The following GRAMD1B variants were observed in gnomAD, a reference collection of about 807,000 sequenced individuals.
GRAMD1B encodes protein Aster-B.
In GRAMD1B, 37 loss-of-function variants were observed where a neutral mutation model predicts 99.7. The observed-to-expected ratio is 0.37, with a 90% CI of 0.29 to 0.49. The LOEUF is 0.49. GRAMD1B is among the 20% of genes least tolerant of loss of function. The pLI, the probability that GRAMD1B is intolerant of heterozygous loss-of-function variation, is 0.98. For synonymous variants in GRAMD1B, 427 were observed against 387.6 expected, an observed-to-expected ratio of 1.10 and a Z score of -1.19; for missense variants, 888 against 1,009.2, an observed-to-expected ratio of 0.88 and a Z score of 1.63.
intron 1 of GRAMD1B, among the ~76,000 whole-genome samples, chr11:123,403,429 A>G (rs898301529): frequency 2.1e-5 from 3 of 140,294 alleles, no homozygotes; most frequent in African/African-American, 5.6e-5. Flanking sequence ...CTCAGTCTCA[A>G]AATAATGATG....
Position 123,396,837 on chromosome 11 carries a change from A to G in GRAMD1B, c.-176+38038A>G, listed in dbSNP as rs78073495. On this transcript the variant is annotated intron_variant, in intron 1 of 20. Coordinates refer to the GRAMD1B transcript ENST00000638157. The stretch of plus-strand genomic sequence containing the variant: ...GGGAAAAACAGAAACTTTGCTAATT[A>G]TCTGTCATTATGGGGATAATGATAG... Among the ~76,000 whole-genome samples the G allele has an allele frequency of 2.1e-3, 319 of 152,336 alleles. 4 individuals carry two copies. The highest frequency in any genetic ancestry group is 7.6e-3 in the African/African-American group (315 of 41,582).
chr11:123,595,812 G>A, intron 6 of GRAMD1B, 130 bp from the exon 7 acceptor site: 2 of 573,482 alleles, frequency 3.5e-6, no homozygotes, highest in Non-Finnish European at 6.3e-6. Flanking sequence ...CACCAATGCG[G>A]CCTCTTCCAG....
At chr11:123,394,200 G>A (rs1198911293) in intron 1 of GRAMD1B, among the ~76,000 whole-genome samples, 1 of 152,126 alleles carries the variant, frequency 6.6e-6, no homozygotes, top group African/African-American at 2.4e-5. Context: ...AGGACATATG[G>A]TCATTCTTTT....
chr11:123,493,122 G>A (rs1938789208), intron 2 of GRAMD1B, among the ~76,000 whole-genome samples: 1 of 152,172 alleles, frequency 6.6e-6, no homozygotes, highest in African/African-American at 2.4e-5. Flanking sequence ...ATTCAGTAAT[G>A]GCTGCGGGGA....
chr11:123,539,084 G>A (rs1456587747), intron 2 of GRAMD1B, among the ~76,000 whole-genome samples: 1 of 152,052 alleles, frequency 6.6e-6, no homozygotes, highest in East Asian at 1.9e-4. Flanking sequence ...TCAGAGCTAG[G>A]CTTGGTGGCT....
rs746220101 is a variant in GRAMD1B, at chr11:123,610,364, G to T, written c.1919+26G>T. On this transcript the variant is annotated intron_variant, in intron 14 of 19. Transcript: ENST00000635736. This position sits in a 1 kb window ranked among gnomAD's most constrained non-coding sequence, Gnocchi z 4.1. Reference sequence around the variant, plus strand: ...GTGTGGTGTGTGGAAGTCCCAGTGCGGTCAGACGGGGGTCCTTACCTTAGA... The same window carrying T: ...GTGTGGTGTGTGGAAGTCCCAGTGCTGTCAGACGGGGGTCCTTACCTTAGA... 1.2e-6 allele frequency: 2 copies of T among 1,611,402 alleles called. No individual in the cohort carries two copies. Among genetic ancestry groups the T allele is most frequent in the South Asian group, 1.1e-5 (1 of 91,018 alleles).
chr11:123,457,132 A>AGAAAGAAAGAAAGAAAGAAAGAAAGAAG (rs1565514323), intron 1 of GRAMD1B, among the ~76,000 whole-genome samples: 1 of 150,692 alleles, frequency 6.6e-6, no homozygotes, highest in Non-Finnish European at 1.5e-5. Context: ...AAAGAAAGAA[A>AGAAAGAAAGAAAGAAAGAAAGAAAGAAG]GAAAGAATTA....
intron 1 of GRAMD1B, among the ~76,000 whole-genome samples, chr11:123,415,553 A>G (rs954502450): frequency 1.3e-5 from 2 of 150,330 alleles, no homozygotes; most frequent in Admixed American, 6.6e-5. Flanking sequence ...GGCCTTCAGG[A>G]CGCCTTAGGT....
At chr11:123,360,488 A>G (rs1047394244) in intron 1 of GRAMD1B, among the ~76,000 whole-genome samples, 3 of 152,318 alleles carry the variant, frequency 2.0e-5, no homozygotes, top group African/African-American at 7.2e-5. Context: ...CTGGTGTTCA[A>G]GAGATCCAGG....
intron 1 of GRAMD1B, among the ~76,000 whole-genome samples, chr11:123,398,251 A>C (rs1433729939): frequency 6.6e-6 from 1 of 152,230 alleles, no homozygotes; most frequent in Non-Finnish European, 1.5e-5. Flanking sequence ...TATTTCTTAC[A>C]GTTCTGGAGG....
At chr11:123,412,219 A>T (rs570995374) in intron 1 of GRAMD1B, among the ~76,000 whole-genome samples, 120 of 152,316 alleles carry the variant, frequency 7.9e-4, no homozygotes, top group Non-Finnish European at 1.5e-3. Context: ...CAATTTCCTT[A>T]GTCATTTTGT....
intron 17 of GRAMD1B, among the ~76,000 whole-genome samples, chr11:123,616,676 G>C (rs1565473212): frequency 6.6e-6 from 1 of 152,264 alleles, no homozygotes; most frequent in Non-Finnish European, 1.5e-5. Flanking sequence ...AGCTTGCCCT[G>C]TGTCTGGCAG....
intron 19 of GRAMD1B, among the ~76,000 whole-genome samples, chr11:123,621,893 TTTC>T (rs1482948652): frequency 1.8e-5 from 1 of 57,082 alleles, no homozygotes; most frequent in Non-Finnish European, 3.9e-5. Flanking sequence ...TCTTTCTTTC[TTTC>T]TTTTTCTCTT....
rs574930298 is a variant in GRAMD1B, at chr11:123,567,794, A to G, written c.453-9573A>G. ...CTCCTTGCCTGAGCAGGAAAGGCAAACAACCTTTGCCCAGGTCCAGCTCTT... is the reference window on the plus strand; with the variant it reads ...CTCCTTGCCTGAGCAGGAAAGGCAAGCAACCTTTGCCCAGGTCCAGCTCTT... On this transcript the variant is annotated intron_variant, in intron 2 of 19. Coordinates refer to ENST00000635736, the MANE Select transcript of GRAMD1B (RefSeq NM_001387025.1). Among the ~76,000 whole-genome samples, 8 of 152,346 alleles carry G rather than the reference A, an allele frequency of 5.3e-5. No homozygotes were observed. The South Asian group carries it at 1.7e-3, about 32-fold the overall frequency.
chr11:123,382,591 G>A (rs1295189202), intron 1 of GRAMD1B, among the ~76,000 whole-genome samples: 1 of 152,124 alleles, frequency 6.6e-6, no homozygotes, highest in African/African-American at 2.4e-5. Context: ...TTAAGTGTGT[G>A]GGAAAGTGGA....
intron 2 of GRAMD1B, among the ~76,000 whole-genome samples, chr11:123,496,167 T>C (rs1487348286): frequency 6.6e-6 from 1 of 152,184 alleles, no homozygotes; most frequent in Non-Finnish European, 1.5e-5. Flanking sequence ...TCCCTCAGCT[T>C]TTGTTTGTCT....
At chr11:123,608,576 C>T (rs1382796661) in intron 11 of GRAMD1B, 83 bp from the exon 12 acceptor site, 2 of 1,550,876 alleles carry the variant, frequency 1.3e-6, no homozygotes, top group Middle Eastern at 1.7e-4. Flanking sequence ...TAGCCAGAGA[C>T]CTAAGTGCTC....
intron 2 of GRAMD1B, among the ~76,000 whole-genome samples, chr11:123,502,410 T>C (rs1167921864): frequency 6.6e-6 from 1 of 152,236 alleles, no homozygotes; most frequent in South Asian, 2.1e-4. Context: ...CCTTCCCTGC[T>C]GACCCCTTGC....
intron 2 of GRAMD1B, among the ~76,000 whole-genome samples, chr11:123,523,072 C>T (rs1050847426): frequency 1.3e-5 from 2 of 152,204 alleles, no homozygotes; most frequent in Non-Finnish European, 2.9e-5. Context: ...TGGCTCATGC[C>T]TGTAATCCCA....
Sources: allele counts gnomAD v4.1 joint callset (sites outside exome capture counted in the v4.1 genomes callset), GRCh38; gene constraint gnomAD v4.1.1; non-coding constraint Gnocchi (gnomAD v3.1); transcripts MANE v1.5; gene names NCBI Gene and HGNC (gene_info 2026-07-23, HGNC 2026-07-21).